The following CTBP1 variants were observed in gnomAD, a reference collection of about 807,000 sequenced individuals.
CTBP1 encodes the protein C-terminal binding protein 1.
A neutral mutation model predicts 42.1 loss-of-function variants in CTBP1; 11 were observed. The observed-to-expected ratio is 0.26, with a 90% confidence interval of 0.16 to 0.43. The LOEUF is 0.43. Among genes scored for constraint, CTBP1 ranks in the 20% least tolerant of loss-of-function variants. The pLI, the probability that CTBP1 is intolerant of heterozygous loss-of-function variation, is 1.00. For missense variants in CTBP1, 399 were observed against 624.3 expected (o/e 0.64, Z 3.85); for synonymous variants, 324 against 277.1 (o/e 1.17, Z -1.68).
chr4:1,215,941 C>A (rs1187078364), intron 6 of CTBP1, 50 bp downstream of exon 6: 8 of 1,548,130 alleles, frequency 5.2e-6, no homozygotes, highest in Admixed American at 1.9e-5. Flanking sequence ...GACACCCCCA[C>A]CTGTACCTGC....
In CTBP1 at chr4:1,241,507, G is replaced by A. The variant is rs779464134; in HGVS notation, c.-176C>T. On this transcript the variant is annotated 5_prime_UTR_variant, in exon 2 of 10. Coordinates refer to ENST00000382952, the MANE Select transcript of CTBP1 (RefSeq NM_001012614.2). ...CGGCAATCACTGAAGCCTGCGTCGG[G>A]GTCAAAGTCTTACTAAAAATCAAAC... 5 of 1,598,594 alleles carry A rather than the reference G, an allele frequency of 3.1e-6. No individual in the cohort carries two copies. Among genetic ancestry groups the A allele is most frequent in the South Asian group, 2.2e-5 (2 of 90,096 alleles).
In CTBP1 at chr4:1,213,723, C is replaced by A. The variant is rs1348892337; in HGVS notation, c.861-118G>T. 9 of 1,348,058 alleles carry A rather than the reference C, an allele frequency of 6.7e-6. No homozygotes were observed. The Admixed American group carries it at 1.3e-4, about 20-fold the overall frequency. The allele number at this position is 1,348,058 out of a possible 1,614,324, so 83.5% of individuals were successfully genotyped here. A position where few individuals can be genotyped will look rare whatever the true frequency, so the allele number is the denominator to read the frequency against. On this transcript the variant is annotated intron_variant, in intron 7 of 9. Coordinates refer to ENST00000382952, the MANE Select transcript of CTBP1 (RefSeq NM_001012614.2). ...CCCTGCCTGGGAACCACAGACCCCACGGCCCTGCTCTGCTCGGCAGGCTGG... is the reference window on the plus strand; with the variant it reads ...CCCTGCCTGGGAACCACAGACCCCAAGGCCCTGCTCTGCTCGGCAGGCTGG...
intron 1 of CTBP1, chr4:1,245,688 C>G (rs1334507855): frequency 4.1e-6 from 4 of 980,728 alleles, no homozygotes; most frequent in Admixed American, 6.2e-5. Context: ...CACGGGTGGG[C>G]AGGGTGGCAC....
intron 9 of CTBP1, 66 bp from the exon 10 acceptor site, chr4:1,212,489 C>G: frequency 7.5e-7 from 1 of 1,336,996 alleles, no homozygotes; most frequent in East Asian, 2.9e-5. Flanking sequence ...CACCTGCCCT[C>G]CTAGCATCGG....
chr4:1,248,546 G>A (rs1415779865), intron 1 of CTBP1: 1 of 369,804 alleles, frequency 2.7e-6, no homozygotes, highest in Non-Finnish European at 3.7e-6. Context: ...CCGGGGACGG[G>A]GTAGCGGCCG....
rs1415075714 is a variant in CTBP1, at chr4:1,212,417, A to G, written c.1113T>C (p.Pro371=). 1 of 1,459,140 alleles carries G rather than the reference A, an allele frequency of 6.9e-7. No homozygotes were observed. Among genetic ancestry groups the G allele is most frequent in the African/African-American group, 1.5e-5 (1 of 67,752 alleles). 90.4% of individuals were successfully genotyped at this position (1,459,140 alleles called of 1,614,324 possible). A position where few individuals can be genotyped will look rare whatever the true frequency, so the allele number is the denominator to read the frequency against. ...PELNGAAYRY[P]PGVVGVAPTG... ...TGGGGGCCACGCCCACCACGCCCGG[A>G]GGGTACCTGCTGGGAGAGGGTCCAT... is the stretch of plus-strand genomic sequence containing the variant. The change falls in exon 10 of 10, where the codon CCT becomes CCC. Residue 371 remains proline, a synonymous_variant. Transcript: ENST00000382952.
chr4:1,213,413 C>A, intron 8 of CTBP1, 65 bp downstream of exon 8: 1 of 1,595,188 alleles, frequency 6.3e-7, no homozygotes, highest in Non-Finnish European at 8.5e-7. Context: ...CGGATGCGAG[C>A]CCATGAGCAT....
At chr4:1,226,049 G>A (rs765973717) in intron 4 of CTBP1, among the ~76,000 whole-genome samples, 5 of 151,964 alleles carry the variant, frequency 3.3e-5, no homozygotes, top group Admixed American at 6.6e-5. Flanking sequence ...GCCGGGCCCC[G>A]AAGCCCCTTC....
chr4:1,241,697 C>T lies in CTBP1; in HGVS notation c.-188-178G>A, dbSNP rs999856979. On this transcript the variant is annotated intron_variant, in intron 1 of 9. Coordinates refer to ENST00000382952, the MANE Select transcript of CTBP1 (RefSeq NM_001012614.2). The stretch of plus-strand genomic sequence containing the variant: ...CAGCCAGGGGCCCCGGCTCCTGCCG[C>T]ACACACGAAGGGCGCTCACCCTGAG... 44 of 1,248,030 alleles carry T rather than the reference C, an allele frequency of 3.5e-5. No individual in the cohort carries two copies. The Middle Eastern group carries it at 1.4e-3, about 39-fold the overall frequency. The allele number at this position is 1,248,030 out of a possible 1,614,324, so 77.3% of individuals were successfully genotyped here. A position where few individuals can be genotyped will look rare whatever the true frequency, so the allele number is the denominator to read the frequency against.
intron 3 of CTBP1, among the ~76,000 whole-genome samples, chr4:1,232,591 C>T (rs529866633): frequency 2.0e-5 from 3 of 152,340 alleles, no homozygotes; most frequent in Non-Finnish European, 4.4e-5. Context: ...GGATTATAAG[C>T]GTGAGCTGCT....
chr4:1,228,776 G>A (rs1730657944), intron 3 of CTBP1, among the ~76,000 whole-genome samples: 2 of 152,280 alleles, frequency 1.3e-5, no homozygotes, highest in Non-Finnish European at 1.5e-5. Context: ...TGGGTGGGGT[G>A]GCCAGGGAAC....
Position 1,241,537 on chromosome 4 carries a change from G to C in CTBP1, c.-188-18C>G, listed in dbSNP as rs1732175089. On this transcript the variant is annotated intron_variant, in intron 1 of 9. Transcript: ENST00000382952. ...AAGTCTTACTAAAAATCAAACACAA[G>C]AGACACATTAAAATGCCATCGAAGG... 6.3e-7 allele frequency: 1 copy of C among 1,581,142 alleles called. No individual in the cohort carries two copies. Among genetic ancestry groups the C allele is most frequent in the Non-Finnish European group, 8.5e-7 (1 of 1,170,202 alleles).
chr4:1,237,271 A>G lies in CTBP1; in HGVS notation c.162+912T>C. On this transcript the variant is annotated intron_variant, in intron 3 of 9. Coordinates refer to ENST00000382952, the MANE Select transcript of CTBP1 (RefSeq NM_001012614.2). Reference sequence around the variant, plus strand: ...GGACAAACCGAGTGTCCACCTCCTCATGGGGCTCAGGGAAAACCCGGTGTC... The same window carrying G: ...GGACAAACCGAGTGTCCACCTCCTCGTGGGGCTCAGGGAAAACCCGGTGTC... 6.1e-6 allele frequency: 4 copies of G among 658,138 alleles called. 1 individual carries two copies. Among genetic ancestry groups the G allele is most frequent in the Middle Eastern group, 5.4e-4 (2 of 3,708 alleles). 40.8% of individuals were successfully genotyped at this position (658,138 alleles called of 1,614,324 possible).
intron 5 of CTBP1, 47 bp downstream of exon 5, chr4:1,225,313 C>T (rs376417241): frequency 4.6e-5 from 70 of 1,509,678 alleles, no homozygotes; most frequent in Non-Finnish European, 5.5e-5. Flanking sequence ...AGAGCGGCAG[C>T]GCCAGACACA....
chr4:1,242,409 T>A (rs1732271931), intron 1 of CTBP1: 11 of 985,222 alleles, frequency 1.1e-5, no homozygotes, highest in African/African-American at 1.7e-5. Context: ...AGGCGTGGGC[T>A]GAGACGACTG....
chr4:1,234,516 GTC>G (rs1731284045), intron 3 of CTBP1, among the ~76,000 whole-genome samples: 1 of 152,220 alleles, frequency 6.6e-6, no homozygotes, highest in African/African-American at 2.4e-5. Context: ...GGAGCAGGAA[GTC>G]TGTCTCATGC....
intron 6 of CTBP1, among the ~76,000 whole-genome samples, chr4:1,214,674 G>T (rs1174282342): frequency 6.6e-6 from 1 of 152,256 alleles, no homozygotes; most frequent in Non-Finnish European, 1.5e-5. Context: ...CTGAGGATCT[G>T]CCCTGTATGG....
intron 2 of CTBP1, 111 bp downstream of exon 2, chr4:1,241,214 G>A (rs573124704): frequency 1.0e-4 from 80 of 772,808 alleles, no homozygotes; most frequent in Middle Eastern, 1.0e-3. Context: ...CCGGCCCGAC[G>A]CCCATGCAGC....
In CTBP1 at chr4:1,238,842, G is replaced by A. The variant is rs1731856917; in HGVS notation, c.8-505C>T. Among the ~76,000 whole-genome samples the A allele has an allele frequency of 6.6e-6, 1 of 151,616 alleles. No homozygotes were observed. The highest frequency in any genetic ancestry group is 2.4e-5 in the African/African-American group (1 of 41,236). ...CCTCCCAGACCGTCCGAGACCCCAG[G>A]GCAGCTCCATGAGGCAGGGGGACAG... On this transcript the variant is annotated intron_variant, in intron 2 of 9. Coordinates refer to ENST00000382952, the MANE Select transcript of CTBP1 (RefSeq NM_001012614.2). The surrounding 1 kb of genome is among the most constrained non-coding windows in gnomAD (Gnocchi z 5.9).
Sources: allele counts gnomAD v4.1 joint callset (sites outside exome capture counted in the v4.1 genomes callset), GRCh38; gene constraint gnomAD v4.1.1; non-coding constraint Gnocchi (gnomAD v3.1); transcripts MANE v1.5; gene names NCBI Gene and HGNC (gene_info 2026-07-23, HGNC 2026-07-21).